SLC60A1: variants seen among roughly 807,000 people sequenced by gnomAD.
SLC60A1 encodes major facilitator superfamily domain containing 4.
chr1:205,570,260 A>C, the SLC60A1 span, among the ~76,000 whole-genome samples: 1 of 152,204 alleles, frequency 6.6e-6, no homozygotes. Flanking sequence ...AGAGACCCAT[A>C]ATAGAATAGG....
chr1:205,601,925 C>A, the SLC60A1 span: 1 of 152,208 alleles, frequency 6.6e-6, no homozygotes, highest in Non-Finnish European at 1.5e-5. Context: ...ACTCTTTATA[C>A]CATGGCAAGG....
the SLC60A1 span, among the ~76,000 whole-genome samples, chr1:205,584,547 TTAAA>T: frequency 1.1e-5 from 1 of 92,870 alleles, no homozygotes; most frequent in Non-Finnish European, 2.2e-5. Context: ...CTTTTTTTTT[TTAAA>T]AAAAAAAAAA....
the SLC60A1 span, among the ~76,000 whole-genome samples, chr1:205,574,069 A>G: frequency 9.9e-5 from 15 of 152,216 alleles, no homozygotes; most frequent in Admixed American, 1.3e-4. Flanking sequence ...TTACAACTCC[A>G]AATATTCTAA....
At chr1:205,574,602 A>C in the SLC60A1 span, among the ~76,000 whole-genome samples, 1 of 152,146 alleles carries the variant, frequency 6.6e-6, no homozygotes, top group Non-Finnish European at 1.5e-5. Context: ...TTACATTGTG[A>C]AATGAAGGAA....
the SLC60A1 span, among the ~76,000 whole-genome samples, chr1:205,588,988 A>T: frequency 6.6e-6 from 1 of 152,240 alleles, no homozygotes; most frequent in Admixed American, 6.5e-5. Context: ...GTGGGAAGAG[A>T]GTTGGTGGAG....
chr1:205,569,914 A>T, the SLC60A1 span, among the ~76,000 whole-genome samples: 1 of 151,916 alleles, frequency 6.6e-6, no homozygotes, highest in South Asian at 2.1e-4. Flanking sequence ...CTCCTGAGGC[A>T]GCCAGAACAT....
the SLC60A1 span, chr1:205,579,828 G>T: frequency 2.5e-6 from 4 of 1,613,996 alleles, no homozygotes; most frequent in African/African-American, 2.7e-5. Context: ...CCCTTCTGCC[G>T]CGACGTGAAG....
At chr1:205,585,036 C>T in the SLC60A1 span, 2 of 1,500,344 alleles carry the variant, frequency 1.3e-6, no homozygotes. This position sits in a 1 kb window ranked among gnomAD's most constrained non-coding sequence, Gnocchi z 4.2. Flanking sequence ...GACCCTTCAC[C>T]CCCAGACTCC....
the SLC60A1 span, chr1:205,581,020 C>A: frequency 6.9e-7 from 1 of 1,450,872 alleles, no homozygotes. The surrounding 1 kb of genome is among the most constrained non-coding windows in gnomAD (Gnocchi z 4.2). Context: ...TGCTGAGAAA[C>A]GTGCTGGGGC....
chr1:205,583,865 G>C, the SLC60A1 span: 1 of 1,467,580 alleles, frequency 6.8e-7, no homozygotes, highest in Non-Finnish European at 9.1e-7. Context: ...TCTTCTCCCA[G>C]GACTATGCAC....
At chr1:205,580,793 T>C in the SLC60A1 span, 2 of 1,613,960 alleles carry the variant, frequency 1.2e-6, no homozygotes, top group Non-Finnish European at 1.7e-6. This position sits in a 1 kb window ranked among gnomAD's most constrained non-coding sequence, Gnocchi z 5.0. Context: ...GTTCCATGTC[T>C]CCAGGGTGCT....
At chr1:205,580,243 G>T in the SLC60A1 span, among the ~76,000 whole-genome samples, 1 of 151,902 alleles carries the variant, frequency 6.6e-6, no homozygotes, top group Non-Finnish European at 1.5e-5. This position sits in a 1 kb window ranked among gnomAD's most constrained non-coding sequence, Gnocchi z 5.0. Context: ...TCCTTTCTTC[G>T]TCTTTCTCCC....
At chr1:205,569,352 G>T in the SLC60A1 span, 1 of 1,296,826 alleles carries the variant, frequency 7.7e-7, no homozygotes, top group Non-Finnish European at 9.9e-7. Context: ...ACCCACCCTC[G>T]CCGGGCCGAC....
the SLC60A1 span, among the ~76,000 whole-genome samples, chr1:205,574,999 G>A: frequency 4.6e-5 from 7 of 152,210 alleles, no homozygotes; most frequent in African/African-American, 1.7e-4. Context: ...GTGTCAGTGT[G>A]AAGGCTGGGG....
chr1:205,575,000 A>G, the SLC60A1 span, among the ~76,000 whole-genome samples: 5 of 152,156 alleles, frequency 3.3e-5, no homozygotes, highest in African/African-American at 1.2e-4. Flanking sequence ...TGTCAGTGTG[A>G]AGGCTGGGGT....
At chr1:205,574,164 A>G in the SLC60A1 span, among the ~76,000 whole-genome samples, 1 of 151,432 alleles carries the variant, frequency 6.6e-6, no homozygotes, top group Non-Finnish European at 1.5e-5. Flanking sequence ...AAAAACCTCA[A>G]AGCCAGGTTC....
At chr1:205,571,159 A>G in the SLC60A1 span, among the ~76,000 whole-genome samples, 2 of 152,364 alleles carry the variant, frequency 1.3e-5, no homozygotes, top group South Asian at 4.1e-4. Context: ...GTATCAGCCC[A>G]TTTAATCTTC....
At chr1:205,588,469 C>CAAAAAAAAAAAAAAAAAAAA in the SLC60A1 span, among the ~76,000 whole-genome samples, 1 of 84,732 alleles carries the variant, frequency 1.2e-5, no homozygotes. Context: ...GACTTCAAAT[C>CAAAAAAAAAAAAAAAAAAAA]AAAAAAAAAA....
chr1:205,586,527 G>A, the SLC60A1 span, among the ~76,000 whole-genome samples: 4 of 152,156 alleles, frequency 2.6e-5, no homozygotes, highest in African/African-American at 7.2e-5. Flanking sequence ...GGCTATGAGC[G>A]TGAGGAAAGC....
Sources: allele counts gnomAD v4.1 joint callset (sites outside exome capture counted in the v4.1 genomes callset), GRCh38; gene constraint gnomAD v4.1.1; non-coding constraint Gnocchi (gnomAD v3.1); transcripts MANE v1.5; gene names NCBI Gene and HGNC (gene_info 2026-07-23, HGNC 2026-07-21).